SLC9D1: variants seen among roughly 807,000 people sequenced by gnomAD.
The protein encoded by SLC9D1 is putative LAG1-interacting protein.
chr13:113,539,636 A>G, the SLC9D1 span: 8 of 1,028,780 alleles, frequency 7.8e-6, no homozygotes, highest in Admixed American at 2.6e-5. The surrounding 1 kb of genome is among the most constrained non-coding windows in gnomAD (Gnocchi z 4.8). Context: ...TATTCAGCAT[A>G]TTTCAATTTG....
the SLC9D1 span, chr13:113,501,948 A>T: frequency 7.7e-7 from 1 of 1,302,176 alleles, no homozygotes. Context: ...CATGAAGACT[A>T]AAAAGTATTG....
chr13:113,504,849 T>A, the SLC9D1 span: 5 of 152,234 alleles, frequency 3.3e-5, no homozygotes, highest in Admixed American at 6.5e-5. Context: ...CTGGATCAAA[T>A]GGTAGAGCTA....
At chr13:113,492,102 C>T in the SLC9D1 span, among the ~76,000 whole-genome samples, 2 of 152,108 alleles carry the variant, frequency 1.3e-5, no homozygotes, top group African/African-American at 4.8e-5. Flanking sequence ...GCCTCAGCCT[C>T]CCCAGGAGCT....
At chr13:113,528,729 G>C in the SLC9D1 span, 1 of 146,916 alleles carries the variant, frequency 6.8e-6, no homozygotes, top group East Asian at 1.9e-4. Flanking sequence ...TATGATAAGA[G>C]GGTCCTTATG....
At chr13:113,541,067 CTTGTGTGT>C in the SLC9D1 span, among the ~76,000 whole-genome samples, 1 of 152,078 alleles carries the variant, frequency 6.6e-6, no homozygotes, top group Non-Finnish European at 1.5e-5. Flanking sequence ...GTCCCGATGG[CTTGTGTGT>C]TTCTGTGCCA....
chr13:113,549,558 C>G, the SLC9D1 span: 2 of 1,613,676 alleles, frequency 1.2e-6, no homozygotes, highest in Non-Finnish European at 1.7e-6. Context: ...GATGATGGAC[C>G]GTGGAAGGGA....
the SLC9D1 span, among the ~76,000 whole-genome samples, chr13:113,516,028 C>G: frequency 6.6e-6 from 1 of 151,144 alleles, no homozygotes; most frequent in African/African-American, 2.4e-5. Flanking sequence ...ATGAGATAAT[C>G]TCATCTGCTT....
chr13:113,549,545 G>A, the SLC9D1 span: 26 of 1,613,820 alleles, frequency 1.6e-5, no homozygotes, highest in African/African-American at 4.0e-5. Context: ...CTGATGGCTC[G>A]GAGATGATGG....
At chr13:113,541,057 G>T in the SLC9D1 span, among the ~76,000 whole-genome samples, 558 of 152,256 alleles carry the variant, frequency 3.7e-3, 4 homozygotes, top group African/African-American at 0.013. Flanking sequence ...TCTTCTGCCT[G>T]TCCCGATGGC....
chr13:113,505,652 A>G, the SLC9D1 span: 2 of 152,270 alleles, frequency 1.3e-5, no homozygotes, highest in African/African-American at 2.4e-5. Flanking sequence ...CCGGGTAGCC[A>G]TGATGACTTC....
the SLC9D1 span, among the ~76,000 whole-genome samples, chr13:113,537,341 C>T: frequency 1.8e-3 from 274 of 152,364 alleles, no homozygotes; most frequent in African/African-American, 6.2e-3. Flanking sequence ...CCCAGCTCCT[C>T]GAGGCCATGG....
the SLC9D1 span, chr13:113,510,264 G>A: frequency 1.9e-4 from 312 of 1,614,168 alleles, 2 homozygotes; most frequent in South Asian, 9.6e-4. Context: ...TACAAGGGCC[G>A]TGTTACATGA....
At chr13:113,547,383 T>C in the SLC9D1 span, 2 of 1,612,014 alleles carry the variant, frequency 1.2e-6, no homozygotes, top group South Asian at 1.1e-5. Context: ...GATGAAGGTA[T>C]GGACTGGAAG....
chr13:113,542,823 A>G, the SLC9D1 span, among the ~76,000 whole-genome samples: 1 of 152,144 alleles, frequency 6.6e-6, no homozygotes, highest in South Asian at 2.1e-4. Flanking sequence ...CTGATTCTGA[A>G]TTTTATGTGG....
chr13:113,528,282 G>A, the SLC9D1 span: 1 of 152,202 alleles, frequency 6.6e-6, no homozygotes, highest in Non-Finnish European at 1.5e-5. Context: ...GGGGAGGGTG[G>A]TGTGAGGCCT....
the SLC9D1 span, among the ~76,000 whole-genome samples, chr13:113,522,044 C>G: frequency 6.6e-6 from 1 of 152,204 alleles, no homozygotes; most frequent in Non-Finnish European, 1.5e-5. Flanking sequence ...TTCTTCCTTT[C>G]CAACCCGTAT....
At chr13:113,533,133 C>T in the SLC9D1 span, among the ~76,000 whole-genome samples, 1 of 116,518 alleles carries the variant, frequency 8.6e-6, no homozygotes, top group Admixed American at 8.7e-5. Flanking sequence ...GACGTGGGCC[C>T]TGCAGCGAGC....
At chr13:113,504,722 T>C in the SLC9D1 span, 3 of 152,244 alleles carry the variant, frequency 2.0e-5, no homozygotes, top group Admixed American at 6.5e-5. Flanking sequence ...ACATTTTCTA[T>C]TGATGGGCAT....
At chr13:113,549,690 C>G in the SLC9D1 span, 186 of 928,100 alleles carry the variant, frequency 2.0e-4, 2 homozygotes, top group South Asian at 2.3e-3. Flanking sequence ...CCGGCTTTTA[C>G]AGAATATTCT....
Sources: allele counts gnomAD v4.1 joint callset (sites outside exome capture counted in the v4.1 genomes callset), GRCh38; gene constraint gnomAD v4.1.1; non-coding constraint Gnocchi (gnomAD v3.1); transcripts MANE v1.5; gene names NCBI Gene and HGNC (gene_info 2026-07-23, HGNC 2026-07-21).